Variants in ADGRL3 observed in about 807,000 individuals in gnomAD.
ADGRL3 encodes the protein adhesion G protein-coupled receptor L3.
Under a neutral mutation model 153.5 loss-of-function variants are expected in ADGRL3, and 62 were observed. The observed-to-expected ratio is 0.40, with a 90% CI of 0.33 to 0.50. The LOEUF (loss-of-function observed/expected upper bound fraction) is 0.50, where lower values mean the gene tolerates loss of function less well. ADGRL3 is among the 20% of genes least tolerant of loss of function. The pLI is 0.47. For missense variants in ADGRL3, 1,641 were observed against 1,859.4 expected, an observed-to-expected ratio of 0.88 and a Z score of 2.16; for synonymous variants, 710 against 672.5, an observed-to-expected ratio of 1.06 and a Z score of -0.86.
intron 1 of ADGRL3, among the ~76,000 whole-genome samples, chr4:61,239,153 G>A (rs977715919): frequency 1.3e-5 from 2 of 152,026 alleles, no homozygotes; most frequent in Non-Finnish European, 2.9e-5. Context: ...GTTTTAAATG[G>A]TTTCTATAAC....
intron 4 of ADGRL3, among the ~76,000 whole-genome samples, chr4:61,547,377 A>C (rs1337855363): frequency 6.6e-6 from 1 of 151,914 alleles, no homozygotes; most frequent in Non-Finnish European, 1.5e-5. Context: ...CCGGGTAATA[A>C]GCATAGTACC....
At chr4:61,804,963 A>T (rs61268490) in intron 8 of ADGRL3, among the ~76,000 whole-genome samples, 17,774 of 143,772 alleles carry the variant, frequency 0.12, 1,253 homozygotes, top group African/African-American at 0.2. Flanking sequence ...TTATTTATTT[A>T]TTTTTTTTTT....
At chr4:61,494,047 T>C (rs1451940378) in intron 2 of ADGRL3, among the ~76,000 whole-genome samples, 1 of 151,970 alleles carries the variant, frequency 6.6e-6, no homozygotes, top group African/African-American at 2.4e-5. Flanking sequence ...TTAATTCTTC[T>C]CTATCTTGTG....
At chr4:61,233,674 A>C (rs1751674542) in intron 1 of ADGRL3, among the ~76,000 whole-genome samples, 1 of 152,106 alleles carries the variant, frequency 6.6e-6, no homozygotes, top group Non-Finnish European at 1.5e-5. Context: ...GGCATGAATA[A>C]GGAAATAAAA....
chr4:61,375,521 C>T (rs2096593280), intron 1 of ADGRL3, among the ~76,000 whole-genome samples: 1 of 152,048 alleles, frequency 6.6e-6, no homozygotes, highest in Non-Finnish European at 1.5e-5. Context: ...TACACTGTCC[C>T]AGCATGCATG....
At chr4:61,798,999 G>GTATATATA (rs34782885) in intron 8 of ADGRL3, among the ~76,000 whole-genome samples, 55 of 80,732 alleles carry the variant, frequency 6.8e-4, no homozygotes, top group Middle Eastern at 6.8e-3. Flanking sequence ...TATATAAACA[G>GTATATATA]TATATATATA....
chr4:61,378,108 A>G (rs2096626060), intron 1 of ADGRL3, among the ~76,000 whole-genome samples: 1 of 151,942 alleles, frequency 6.6e-6, no homozygotes, highest in Non-Finnish European at 1.5e-5. Context: ...TTGATCTCAC[A>G]TTAAGCCTAT....
chr4:61,917,528 G>A (rs571236787), intron 13 of ADGRL3, among the ~76,000 whole-genome samples: 34 of 152,280 alleles, frequency 2.2e-4, no homozygotes, highest in African/African-American at 6.7e-4. Flanking sequence ...TGTTAAAGGA[G>A]GAACTGTCTG....
intron 1 of ADGRL3, among the ~76,000 whole-genome samples, chr4:61,309,128 T>C (rs1319674428): frequency 6.6e-6 from 1 of 152,222 alleles, no homozygotes; most frequent in Non-Finnish European, 1.5e-5. Context: ...GTTACTAATT[T>C]CGACTTAATT....
chr4:61,249,245 A>G (rs1167189995), intron 1 of ADGRL3, among the ~76,000 whole-genome samples: 4 of 152,176 alleles, frequency 2.6e-5, no homozygotes, highest in Non-Finnish European at 5.9e-5. Context: ...AAAATCTTTC[A>G]GTAAAGGTAA....
intron 5 of ADGRL3, among the ~76,000 whole-genome samples, chr4:61,593,816 A>G (rs1219797986): frequency 3.3e-5 from 5 of 152,088 alleles, no homozygotes; most frequent in African/African-American, 1.2e-4. Context: ...CTGCTGTTCT[A>G]TAACCTTCTT....
intron 1 of ADGRL3, among the ~76,000 whole-genome samples, chr4:61,342,858 G>C (rs1223945567): frequency 6.6e-6 from 1 of 152,088 alleles, no homozygotes; most frequent in Non-Finnish European, 1.5e-5. Flanking sequence ...TTCTCATGCT[G>C]CTAATAAAGA....
intron 17 of ADGRL3, among the ~76,000 whole-genome samples, chr4:61,951,995 A>G (rs1423902869): frequency 6.6e-6 from 1 of 152,190 alleles, no homozygotes; most frequent in Admixed American, 6.5e-5. Context: ...TATATTTCAG[A>G]TATACTAGGA....
At chr4:61,247,129 A>G (rs1404565112) in intron 1 of ADGRL3, among the ~76,000 whole-genome samples, 2 of 152,074 alleles carry the variant, frequency 1.3e-5, no homozygotes, top group African/African-American at 4.8e-5. Context: ...CTTTCAAACC[A>G]TGATGAAAAG....
intron 1 of ADGRL3, among the ~76,000 whole-genome samples, chr4:61,273,138 G>C (rs2093286529): frequency 6.6e-6 from 1 of 152,076 alleles, no homozygotes; most frequent in Non-Finnish European, 1.5e-5. Flanking sequence ...TATTTTTGTT[G>C]TTGCTATCGT....
chr4:61,848,226 T>C (rs915164047), intron 9 of ADGRL3, among the ~76,000 whole-genome samples: 1 of 147,230 alleles, frequency 6.8e-6, no homozygotes, highest in African/African-American at 2.5e-5. Context: ...TGTGCATTAG[T>C]TTCCAAGGCT....
rs919223797 is a variant in ADGRL3 at position 61,472,839 on chromosome 4, T to A, written c.-173-24282T>A. Among the ~76,000 whole-genome samples the A allele has an allele frequency of 3.9e-5, 6 of 152,066 alleles. No individual in the cohort carries two copies. The East Asian group carries it at 9.7e-4, about 25-fold the overall frequency. On this transcript the variant is annotated intron_variant, in intron 2 of 26. Transcript: ENST00000683033. ...ACCCTGAGAGAACTGATTTATTTTTTTGGGGGTTGTAGCTTTCTCATATGT... is the reference window on the plus strand; with the variant it reads ...ACCCTGAGAGAACTGATTTATTTTTATGGGGGTTGTAGCTTTCTCATATGT...
At chr4:61,666,323 TTCTAA>T (rs1361586455) in intron 5 of ADGRL3, among the ~76,000 whole-genome samples, 1 of 152,128 alleles carries the variant, frequency 6.6e-6, no homozygotes, top group East Asian at 1.9e-4. Context: ...CCATTTCTCT[TTCTAA>T]AGGTTTGATT....
chr4:61,909,864 A>T, intron 12 of ADGRL3, 119 bp downstream of exon 12: 1 of 660,380 alleles, frequency 1.5e-6, no homozygotes, highest in Middle Eastern at 4.4e-4. Context: ...TCTACAGAAT[A>T]TGATCATTAT....
Sources: allele counts gnomAD v4.1 joint callset (sites outside exome capture counted in the v4.1 genomes callset), GRCh38; gene constraint gnomAD v4.1.1; transcripts MANE v1.5; gene names NCBI Gene and HGNC (gene_info 2026-07-23, HGNC 2026-07-21).